MRPL10: variants seen among roughly 807,000 people sequenced by gnomAD.
MRPL10 encodes large ribosomal subunit protein uL10m.
MRPL10 carries 14 observed loss-of-function variants against 19.8 expected under a neutral mutation model. That is an observed-to-expected ratio of 0.71 (90% CI 0.47 to 1.11). The LOEUF (loss-of-function observed/expected upper bound fraction) is 1.11. Among genes scored for constraint, MRPL10 ranks in the 50% least tolerant of loss-of-function variants. MRPL10 has a pLI of 0.00. For synonymous variants in MRPL10, 129 were observed against 139.2 expected, an observed-to-expected ratio of 0.93 and a Z score of 0.52; for missense variants, 318 against 339.6, an observed-to-expected ratio of 0.94 and a Z score of 0.50.
rs754164788 is a variant in MRPL10 at position 47,824,405 on chromosome 17, T to C, written c.586A>G (p.Lys196Glu). The C allele has an allele frequency of 3.8e-6, 6 of 1,590,134 alleles. No individual in the cohort carries two copies. In the Admixed American group the frequency reaches 8.8e-5, roughly 23 times the overall value. ...TGCACCAGGGGCAGGCTGGGGAGCT[T>C]GGAGTAGTTGATAAAGCCCTGCCTG... ...LSRQGFINYSKLPSLPLVQGE... is the reference protein window; with the variant it reads ...LSRQGFINYSELPSLPLVQGE... Residue 196 changes from lysine (K) to glutamate (E), a missense_variant, in exon 5 of 5, where the codon AAG (lysine) becomes GAG (glutamate). By Grantham distance (56) the Lys-to-Glu change is moderately conservative. Transcript: ENST00000351111.
chr17:47,827,239 G>C (rs749803321), intron 2 of MRPL10, 35 bp from the exon 3 acceptor site: 1 of 1,567,200 alleles, frequency 6.4e-7, no homozygotes, highest in Non-Finnish European at 8.7e-7. Flanking sequence ...GGGTACATCA[G>C]CTGCCACTTC....
In MRPL10 at chr17:47,823,916, G is replaced by C; in HGVS notation, c.*289C>G. The C allele has an allele frequency of 2.3e-6, 1 of 426,496 alleles. No homozygotes were observed. The highest frequency in any genetic ancestry group is 4.3e-6 in the Non-Finnish European group (1 of 233,862). 26.4% of individuals were successfully genotyped at this position (426,496 alleles called of 1,614,324 possible). Reference sequence around the variant, plus strand: ...CAAGAGGCAGTGACCAAGGAGGCAGGGGACAATAGCCCTATCTTTTCAGGA... The same window carrying C: ...CAAGAGGCAGTGACCAAGGAGGCAGCGGACAATAGCCCTATCTTTTCAGGA... On this transcript the variant is annotated 3_prime_UTR_variant, in exon 5 of 5. Transcript: ENST00000351111.
In MRPL10 at chr17:47,826,778, G is replaced by A. The variant is rs773971413; in HGVS notation, c.391C>T (p.Leu131=). 1 of 1,614,214 alleles carries A rather than the reference G, an allele frequency of 6.2e-7. No homozygotes were observed. The highest frequency in any genetic ancestry group is 8.5e-7 in the Non-Finnish European group (1 of 1,180,032). ...ILMKVFPNQV[L]KPFLEDSKYQ... ...TTGGAATCCTCCAGGAAGGGCTTCA[G>A]GACCTGGGAACAGCAGGGAAAAATG... is the stretch of plus-strand genomic sequence containing the variant. Residue 131 remains leucine, a synonymous_variant, in exon 4 of 5, where the codon CTG becomes TTG. Coordinates refer to ENST00000351111, the MANE Select transcript of MRPL10 (RefSeq NM_145255.4).
chr17:47,826,849 G>T, intron 3 of MRPL10, 68 bp from the exon 4 acceptor site: 1 of 1,594,640 alleles, frequency 6.3e-7, no homozygotes, highest in Non-Finnish European at 8.6e-7. Context: ...GTGGGTCATG[G>T]GCCACATTAG....
chr17:47,828,823 G>A (rs1056076624), intron 1 of MRPL10, among the ~76,000 whole-genome samples, 153 bp from the exon 2 acceptor site: 1 of 152,202 alleles, frequency 6.6e-6, no homozygotes, highest in Non-Finnish European at 1.5e-5. Flanking sequence ...TCTGACAAAA[G>A]TCCTGAATTT....
chr17:47,827,195 G>T lies in MRPL10; in HGVS notation c.232C>A (p.Leu78Ile). Residue 78 changes from leucine (L) to isoleucine (I), a missense_variant, in exon 3 of 5, where the codon CTC becomes ATC. By Grantham distance (5) the Leu-to-Ile change is conservative. Coordinates refer to ENST00000351111, the MANE Select transcript of MRPL10 (RefSeq NM_145255.4). ...PPSPPQEEIG[L>I]IRLLRREIAA... is the part of the protein sequence containing the mutation. The stretch of plus-strand genomic sequence containing the variant: ...ATCTCCCGGCGGAGAAGCCTGATGA[G>T]GCCTATCTCCTGAAGTTGGAAAGCA... 6.2e-7 allele frequency: 1 copy of T among 1,606,832 alleles called. No individual in the cohort carries two copies. Among genetic ancestry groups the T allele is most frequent in the Non-Finnish European group, 8.5e-7 (1 of 1,176,880 alleles).
intron 1 of MRPL10, chr17:47,831,221 G>A (rs1329527450): frequency 6.7e-6 from 7 of 1,038,632 alleles, no homozygotes; most frequent in East Asian, 2.7e-5. Context: ...CATTAAGATG[G>A]AGACATAATG....
chr17:47,824,576 G>T, intron 4 of MRPL10, 118 bp from the exon 5 acceptor site: 1 of 1,276,114 alleles, frequency 7.8e-7, no homozygotes. Flanking sequence ...CCTTCCCCAG[G>T]ACCTGGGTTC....
Position 47,824,192 on chromosome 17 carries a change from C to A in MRPL10, c.*13G>T. 2 of 1,614,110 alleles carry A rather than the reference C, an allele frequency of 1.2e-6. No homozygotes were observed. Among genetic ancestry groups the A allele is most frequent in the Non-Finnish European group, 1.7e-6 (2 of 1,180,020 alleles). On this transcript the variant is annotated 3_prime_UTR_variant, in exon 5 of 5. Transcript: ENST00000351111. ...AGAGTGTATTTATGCGCAGGGCTGG[C>A]TAAACAGGCTGGCTACGAGTCCGGA...
At chr17:47,830,256 G>A (rs760748857) in intron 1 of MRPL10, among the ~76,000 whole-genome samples, 16 of 152,280 alleles carry the variant, frequency 1.1e-4, no homozygotes, top group South Asian at 2.1e-4. Flanking sequence ...GCACCCCACA[G>A]AAAACAAGGG....
chr17:47,828,223 GGA>G (rs1286716096), intron 2 of MRPL10: 1 of 268,416 alleles, frequency 3.7e-6, no homozygotes, highest in Non-Finnish European at 7.0e-6. Flanking sequence ...AAAAAAGATT[GGA>G]GAGATACTCT....
At chr17:47,824,579 C>G in intron 4 of MRPL10, 121 bp from the exon 5 acceptor site, 5 of 1,171,448 alleles carry the variant, frequency 4.3e-6, no homozygotes, top group East Asian at 2.6e-5. Flanking sequence ...TCCCCAGGAC[C>G]TGGGTTCCAC....
chr17:47,828,201 C>G (rs1567950759), intron 2 of MRPL10: 1 of 210,276 alleles, frequency 4.8e-6, no homozygotes, highest in Non-Finnish European at 9.2e-6. Flanking sequence ...GATACTCCAT[C>G]TCAAAAAAAA....
chr17:47,830,316 G>A (rs1053193589), intron 1 of MRPL10, among the ~76,000 whole-genome samples: 1 of 152,202 alleles, frequency 6.6e-6, no homozygotes, highest in Admixed American at 6.5e-5. Flanking sequence ...CTCAACACAA[G>A]GGCCAAGACT....
chr17:47,824,496 T>C (rs961074833), intron 4 of MRPL10, 38 bp from the exon 5 acceptor site: 2 of 1,504,954 alleles, frequency 1.3e-6, no homozygotes, highest in African/African-American at 2.8e-5. Context: ...CCTTGCAGAT[T>C]GCCTTTCTTC....
chr17:47,831,366 C>G (rs1265290078), intron 1 of MRPL10, 94 bp downstream of exon 1: 1 of 1,541,732 alleles, frequency 6.5e-7, no homozygotes, highest in Admixed American at 2.0e-5. Flanking sequence ...TAGCTGGGGT[C>G]AGAGATTATG....
chr17:47,827,318 C>A, intron 2 of MRPL10, 114 bp from the exon 3 acceptor site: 1 of 858,124 alleles, frequency 1.2e-6, no homozygotes, highest in Non-Finnish European at 1.8e-6. Context: ...TGCAAAAGAT[C>A]GGGGAACAAG....
chr17:47,831,518 C>T lies in MRPL10; in HGVS notation c.-7G>A. ...CCGCCACGGCCGCAGCCATCTCCAC[C>T]GGAAGAATGGACGGAAGCCGAGTGG... On this transcript the variant is annotated 5_prime_UTR_variant, in exon 1 of 5. Coordinates refer to ENST00000351111, the MANE Select transcript of MRPL10 (RefSeq NM_145255.4). 6.5e-7 allele frequency: 1 copy of T among 1,549,928 alleles called. No homozygotes were observed. The highest frequency in any genetic ancestry group is 8.7e-7 in the Non-Finnish European group (1 of 1,146,592).
Position 47,824,115 on chromosome 17 carries a change from C to A in MRPL10, c.*90G>T, listed in dbSNP as rs1412957101. On this transcript the variant is annotated 3_prime_UTR_variant, in exon 5 of 5. Transcript: ENST00000351111. ...AAAACCAAGTGACAAACACACTCCC[C>A]GACCCCAAGTTCTTCCACATGTCCC... is the stretch of plus-strand genomic sequence containing the variant. 3 of 1,566,408 alleles carry A rather than the reference C, an allele frequency of 1.9e-6. No homozygotes were observed. The highest frequency in any genetic ancestry group is 2.6e-6 in the Non-Finnish European group (3 of 1,146,112).
Sources: allele counts gnomAD v4.1 joint callset (sites outside exome capture counted in the v4.1 genomes callset), GRCh38; gene constraint gnomAD v4.1.1; transcripts MANE v1.5; gene names NCBI Gene and HGNC (gene_info 2026-07-23, HGNC 2026-07-21).